The following BAIAP2 variants were observed in gnomAD, a reference collection of about 807,000 sequenced individuals.
The protein encoded by BAIAP2 is BAR/IMD domain-containing adapter protein 2.
BAIAP2 carries 18 observed loss-of-function variants against 63.0 expected under a neutral mutation model. That is an observed-to-expected ratio of 0.29 (90% confidence interval 0.20 to 0.42). The LOEUF (loss-of-function observed/expected upper bound fraction) is 0.42. Ranked by LOEUF, BAIAP2 falls within the 10% of genes least tolerant of loss-of-function variation. BAIAP2 has a pLI of 1.00. For missense variants in BAIAP2, 610 were observed against 734.3 expected, an observed-to-expected ratio of 0.83 and a Z score of 1.96; for synonymous variants, 386 against 307.6, an observed-to-expected ratio of 1.25 and a Z score of -2.67.
rs369407087 is a variant in BAIAP2 at position 81,104,566 on chromosome 17, C to T, written c.1119C>T (p.Arg373=). The T allele has an allele frequency of 3.1e-6, 5 of 1,611,684 alleles. No homozygotes were observed. The African/African-American group carries it at 4.0e-5, about 13-fold the overall frequency. The part of the protein sequence containing the change: ...RSSSMAAGLE[R]NGRMRVKAIF... ...GCTCCATGGCAGCCGGCCTGGAGCG[C>T]AATGGCCGTATGCGGGTGAAGGCCA... Residue 373 remains arginine, a synonymous_variant, in exon 10 of 14, where the codon CGC becomes CGT. Coordinates refer to ENST00000428708, the MANE Select transcript of BAIAP2 (RefSeq NM_001144888.2).
chr17:81,087,969 C>G (rs1459914978), intron 6 of BAIAP2: 1 of 152,038 alleles, frequency 6.6e-6, no homozygotes, highest in African/African-American at 2.4e-5. Context: ...GCTGCTGCAG[C>G]GAGCCGTCCT....
At chr17:81,106,638 C>T (rs1363281807) in intron 11 of BAIAP2, 107 bp from the exon 12 acceptor site, 2 of 1,344,784 alleles carry the variant, frequency 1.5e-6, no homozygotes, top group Non-Finnish European at 2.1e-6. Context: ...AGCCTCCCCG[C>T]ATGTGGCGTG....
intron 3 of BAIAP2, among the ~76,000 whole-genome samples, chr17:81,069,928 T>A (rs1336747633): frequency 2.6e-5 from 4 of 151,362 alleles, no homozygotes; most frequent in Non-Finnish European, 5.9e-5. Context: ...GATTGGAGGG[T>A]TTTTTGTTTT....
At chr17:81,095,819 C>A (rs1346897975) in intron 6 of BAIAP2, among the ~76,000 whole-genome samples, 2 of 152,152 alleles carry the variant, frequency 1.3e-5, no homozygotes, top group Non-Finnish European at 2.9e-5. Flanking sequence ...TTACGGGGCT[C>A]CTTTGAGTAA....
intron 1 of BAIAP2, among the ~76,000 whole-genome samples, chr17:81,036,384 C>T (rs979482414): frequency 3.3e-5 from 5 of 152,114 alleles, no homozygotes; most frequent in Non-Finnish European, 7.4e-5. Flanking sequence ...GTTTCCTAAC[C>T]GGCTTGCACC....
At chr17:81,056,010 A>G (rs1165216970) in intron 2 of BAIAP2, among the ~76,000 whole-genome samples, 1 of 152,124 alleles carries the variant, frequency 6.6e-6, no homozygotes, top group African/African-American at 2.4e-5. Flanking sequence ...TCCTGGTGGA[A>G]GTTGCACCTG....
At position 81,035,319 on chromosome 17, in the gene BAIAP2, C is replaced by T. The variant is rs1393085377; in HGVS notation, c.54+11C>T. On this transcript the variant is annotated intron_variant, in intron 1 of 13. Transcript: ENST00000428708. ...GAAAATGTCTATAAGGTGAGCGCCCCCCGGCGCCGAGCTGAGCCCGCTCCG... is the reference window on the plus strand; with the variant it reads ...GAAAATGTCTATAAGGTGAGCGCCCTCCGGCGCCGAGCTGAGCCCGCTCCG... The T allele has an allele frequency of 1.5e-5, 22 of 1,429,882 alleles. No individual in the cohort carries two copies. Among genetic ancestry groups the T allele is most frequent in the Non-Finnish European group, 1.9e-5 (21 of 1,078,070 alleles). The allele number at this position is 1,429,882 out of a possible 1,614,324, so 88.6% of individuals were successfully genotyped here. A position where few individuals can be genotyped will look rare whatever the true frequency, so the allele number is the denominator to read the frequency against.
intron 11 of BAIAP2, among the ~76,000 whole-genome samples, chr17:81,106,460 A>G (rs1453895835): frequency 6.6e-6 from 1 of 152,198 alleles, no homozygotes; most frequent in Non-Finnish European, 1.5e-5. Flanking sequence ...CAGCCTTCAG[A>G]GAATCGCAGC....
chr17:81,099,743 C>G (rs1264648682), intron 6 of BAIAP2, among the ~76,000 whole-genome samples, 185 bp from the exon 7 acceptor site: 1 of 152,146 alleles, frequency 6.6e-6, no homozygotes, highest in African/African-American at 2.4e-5. Context: ...CCTGAGTGGT[C>G]CCGGGGTAGC....
At chr17:81,043,545 C>T (rs1435257703) in intron 1 of BAIAP2, among the ~76,000 whole-genome samples, 1 of 152,240 alleles carries the variant, frequency 6.6e-6, no homozygotes, top group Non-Finnish European at 1.5e-5. Flanking sequence ...TGCTCTGGCT[C>T]TGGGGACGGC....
At position 81,103,954 on chromosome 17, in the gene BAIAP2, C is replaced by A; in HGVS notation, c.912C>A (p.Gly304=). The A allele has an allele frequency of 6.2e-7, 1 of 1,613,054 alleles. No homozygotes were observed. Among genetic ancestry groups the A allele is most frequent in the Non-Finnish European group, 8.5e-7 (1 of 1,180,024 alleles). ...CACCCATCATGAACGGCGTCACAGG[C>A]CCGGATGGCGAGGACTACAGCCCGT... is the stretch of plus-strand genomic sequence containing the variant. ...ESTPIMNGVT[G]PDGEDYSPWA... is the part of the protein sequence containing the mutation. Residue 304 remains glycine, a synonymous_variant, in exon 9 of 14, where the codon GGC becomes GGA. Coordinates refer to ENST00000428708, the MANE Select transcript of BAIAP2 (RefSeq NM_001144888.2).
chr17:81,058,139 T>G (rs1318529335), intron 3 of BAIAP2, among the ~76,000 whole-genome samples, 172 bp downstream of exon 3: 2 of 152,200 alleles, frequency 1.3e-5, no homozygotes, highest in Admixed American at 1.3e-4. Context: ...CACACCCTGC[T>G]GAAAGTGGGT....
intron 13 of BAIAP2, chr17:81,108,920 T>TGGGCAGCGTCGTGCAGCC (rs1181725302): frequency 1.3e-6 from 2 of 1,534,160 alleles, no homozygotes; most frequent in Admixed American, 4.0e-5. Context: ...CGCCTGTGGC[T>TGGGCAGCGTCGTGCAGCC]GGGCAGCGTC....
intron 3 of BAIAP2, chr17:81,083,543 C>T (rs1006081122): frequency 1.3e-5 from 2 of 152,186 alleles, no homozygotes; most frequent in South Asian, 2.1e-4. Context: ...GTGGGTCTCT[C>T]GTACCAACTC....
At chr17:81,093,797 C>T (rs1029307283) in intron 6 of BAIAP2, among the ~76,000 whole-genome samples, 7 of 152,134 alleles carry the variant, frequency 4.6e-5, no homozygotes, top group Admixed American at 3.9e-4. Context: ...GACAAAGCAC[C>T]CTCGTTCAGA....
intron 1 of BAIAP2, among the ~76,000 whole-genome samples, chr17:81,045,532 T>G (rs2047687296): frequency 1.3e-5 from 2 of 152,158 alleles, no homozygotes. Flanking sequence ...GGAGGCCACC[T>G]GCTCCTGGTC....
At chr17:81,048,356 C>CAAAA (rs5822388) in intron 1 of BAIAP2, among the ~76,000 whole-genome samples, 3 of 90,224 alleles carry the variant, frequency 3.3e-5, no homozygotes, top group East Asian at 3.0e-4. Flanking sequence ...GACTCTGTCT[C>CAAAA]AAAAAAAAAA....
chr17:81,072,227 A>G (rs2052809655), intron 3 of BAIAP2, among the ~76,000 whole-genome samples: 1 of 152,216 alleles, frequency 6.6e-6, no homozygotes, highest in African/African-American at 2.4e-5. Flanking sequence ...GGAGTGCCCC[A>G]GGGCAGCGTT....
intron 6 of BAIAP2, among the ~76,000 whole-genome samples, chr17:81,098,745 C>T (rs748373046): frequency 2.0e-5 from 3 of 152,184 alleles, no homozygotes; most frequent in East Asian, 1.9e-4. Flanking sequence ...CCAAGAAGCA[C>T]AGAGTGGCCA....
Sources: allele counts gnomAD v4.1 joint callset (sites outside exome capture counted in the v4.1 genomes callset), GRCh38; gene constraint gnomAD v4.1.1; transcripts MANE v1.5; gene names NCBI Gene and HGNC (gene_info 2026-07-23, HGNC 2026-07-21).